Variants in SERGEF observed in about 807,000 individuals in gnomAD.
SERGEF encodes the protein secretion-regulating guanine nucleotide exchange factor.
In SERGEF, 51 loss-of-function variants were observed where a neutral mutation model predicts 50.0. The observed-to-expected ratio is 1.02, with a 90% CI of 0.81 to 1.29. The LOEUF (loss-of-function observed/expected upper bound fraction) is 1.29, where lower values mean the gene tolerates loss of function less well. Ranked by LOEUF, SERGEF falls within the 50% of genes most tolerant of loss-of-function variation. The probability of loss-of-function intolerance (pLI) is 0.00; values close to 1 mark genes in which losing one functional copy is unlikely to be tolerated. For missense variants in SERGEF, 521 were observed against 557.0 expected, an observed-to-expected ratio of 0.94 and a Z score of 0.65; for synonymous variants, 205 against 212.4, an observed-to-expected ratio of 0.97 and a Z score of 0.30.
intron 8 of SERGEF, among the ~76,000 whole-genome samples, chr11:17,986,143 G>T (rs772054962): frequency 6.6e-6 from 1 of 152,132 alleles, no homozygotes; most frequent in Non-Finnish European, 1.5e-5. Context: ...TTCCACTAAT[G>T]AGCTGCTCCT....
At chr11:17,866,591 G>A (rs1202090613) in intron 10 of SERGEF, among the ~76,000 whole-genome samples, 6 of 152,064 alleles carry the variant, frequency 3.9e-5, no homozygotes, top group Admixed American at 2.6e-4. Flanking sequence ...TACAACCTCC[G>A]CCTCCCTGGT....
At chr11:17,908,877 G>A (rs1224788002) in intron 9 of SERGEF, among the ~76,000 whole-genome samples, 2 of 152,168 alleles carry the variant, frequency 1.3e-5, no homozygotes, top group East Asian at 1.9e-4. Context: ...GAAATGGATA[G>A]GGTTCCGTCA....
In SERGEF at chr11:17,884,825, G is replaced by T. The variant is rs908397637; in HGVS notation, c.1012-6581C>A. Among the ~76,000 whole-genome samples the T allele has an allele frequency of 6.6e-6, 1 of 152,182 alleles. No homozygotes were observed. The highest frequency in any genetic ancestry group is 1.5e-5 in the Non-Finnish European group (1 of 68,040). On this transcript the variant is annotated intron_variant, in intron 9 of 10. Coordinates refer to ENST00000265965, the MANE Select transcript of SERGEF (RefSeq NM_012139.4). This position sits in a 1 kb window ranked among gnomAD's most constrained non-coding sequence, Gnocchi z 4.6. Reference sequence around the variant, plus strand: ...TCTGCTATCTTCCAGAGAAGTTGGGGTGAGAAGAAGAGAGCTAAAGTTTGG... The same window carrying T: ...TCTGCTATCTTCCAGAGAAGTTGGGTTGAGAAGAAGAGAGCTAAAGTTTGG...
chr11:17,847,244 G>A (rs1041754950), intron 10 of SERGEF, among the ~76,000 whole-genome samples: 2 of 152,232 alleles, frequency 1.3e-5, no homozygotes, highest in East Asian at 1.9e-4. Context: ...CTGCTTATGT[G>A]GTGCATTGCT....
chr11:17,959,549 T>A lies in SERGEF; in HGVS notation c.932A>T (p.Lys311Met). Residue 311 changes from lysine (K) to methionine (M), a missense_variant, in exon 9 of 11, where the codon AAG becomes ATG. Lys to Met is a moderately conservative substitution (Grantham distance 95). Coordinates refer to ENST00000265965, the MANE Select transcript of SERGEF (RefSeq NM_012139.4). ...TGAACAGGGGAGAAATGAATCTTGC[T>A]TTTCTAGTTTCCAGCCTTCATAAGT... The part of the protein sequence containing the change: ...LETYEGWKLE[K>M]QDSFLPCSRP... 6.2e-7 allele frequency: 1 copy of A among 1,614,132 alleles called. No individual in the cohort carries two copies. The highest frequency in any genetic ancestry group is 8.5e-7 in the Non-Finnish European group (1 of 1,179,968).
chr11:17,818,690 G>A (rs1157735153), intron 10 of SERGEF, among the ~76,000 whole-genome samples: 1 of 152,118 alleles, frequency 6.6e-6, no homozygotes, highest in African/African-American at 2.4e-5. Flanking sequence ...AGCTGCAAAG[G>A]CAATGATCTT....
chr11:17,961,472 A>G (rs1400931838), intron 8 of SERGEF, among the ~76,000 whole-genome samples: 1 of 152,226 alleles, frequency 6.6e-6, no homozygotes, highest in East Asian at 1.9e-4. Context: ...GGAAGTTGTT[A>G]TCTCTAAGAC....
chr11:18,006,321 A>G (rs211138), intron 3 of SERGEF, among the ~76,000 whole-genome samples: 128,235 of 152,110 alleles, frequency 0.84, 54,189 homozygotes, highest in East Asian at 0.92. Flanking sequence ...GACTATAGGC[A>G]TGGGGTACCA....
At chr11:17,824,203 A>G (rs1336860201) in intron 10 of SERGEF, among the ~76,000 whole-genome samples, 1 of 152,010 alleles carries the variant, frequency 6.6e-6, no homozygotes, top group Non-Finnish European at 1.5e-5. Context: ...CAGGAGGCTG[A>G]GGCAGGAGAA....
rs1565198150 is a variant in SERGEF, at chr11:17,896,876, GGGAA to G, written c.1012-18636_1012-18633del. ...GGTAAGGGAAGGGAAGGGAAGGGAA[GGGAA>G]GGGAAGGGAAGGGAAGGGAAGGGAA... is the stretch of plus-strand genomic sequence containing the variant. On this transcript the variant is annotated intron_variant, in intron 9 of 10. Coordinates refer to ENST00000265965, the MANE Select transcript of SERGEF (RefSeq NM_012139.4). Among the ~76,000 whole-genome samples the G allele has an allele frequency of 3.0e-4, 5 of 16,678 alleles. 1 individual carries two copies. Among genetic ancestry groups the G allele is most frequent in the Admixed American group, 4.4e-4 (1 of 2,264 alleles). 10.9% of individuals were successfully genotyped at this position (16,678 alleles called of 152,430 possible).
At chr11:17,938,190 G>A (rs1852492241) in intron 9 of SERGEF, among the ~76,000 whole-genome samples, 1 of 152,208 alleles carries the variant, frequency 6.6e-6, no homozygotes, top group South Asian at 2.1e-4. Flanking sequence ...TCACTTTGCA[G>A]CTGTGGTCCC....
At chr11:17,908,387 C>T (rs1172772828) in intron 9 of SERGEF, among the ~76,000 whole-genome samples, 1 of 152,154 alleles carries the variant, frequency 6.6e-6, no homozygotes, top group South Asian at 2.1e-4. Flanking sequence ...CCCCCAACCA[C>T]CACCATCATC....
intron 5 of SERGEF, among the ~76,000 whole-genome samples, chr11:17,997,888 G>T (rs1853871142): frequency 6.6e-6 from 1 of 152,098 alleles, no homozygotes; most frequent in South Asian, 2.1e-4. Context: ...ATGGGGAATG[G>T]GGAGTTATTG....
intron 9 of SERGEF, among the ~76,000 whole-genome samples, chr11:17,945,882 G>A (rs1362030562): frequency 4.6e-5 from 7 of 152,138 alleles, no homozygotes; most frequent in African/African-American, 1.4e-4. Context: ...CGAGGCTGAG[G>A]CAGGAGAATT....
intron 9 of SERGEF, among the ~76,000 whole-genome samples, chr11:17,934,342 CA>C (rs1265822467): frequency 6.6e-6 from 1 of 152,204 alleles, no homozygotes; most frequent in Non-Finnish European, 1.5e-5. Flanking sequence ...AACCACCCCT[CA>C]AACAATTCAG....
chr11:17,804,352 A>C (rs1849720936), intron 10 of SERGEF, among the ~76,000 whole-genome samples: 1 of 152,228 alleles, frequency 6.6e-6, no homozygotes, highest in African/African-American at 2.4e-5. Context: ...TGAAAGGCTC[A>C]GAGCCCTATC....
intron 1 of SERGEF, 156 bp downstream of exon 1, chr11:18,012,795 T>G: frequency 1.4e-5 from 8 of 590,632 alleles, no homozygotes; most frequent in Non-Finnish European, 2.2e-5. Flanking sequence ...CCGCTCCTCC[T>G]CCGCTCCCCC....
chr11:18,006,862 C>T, intron 2 of SERGEF, 116 bp from the exon 3 acceptor site: 1 of 1,202,124 alleles, frequency 8.3e-7, no homozygotes, highest in Non-Finnish European at 1.2e-6. Flanking sequence ...TTTTTGCCAT[C>T]CAAGTTAATA....
intron 8 of SERGEF, among the ~76,000 whole-genome samples, chr11:17,960,645 T>C (rs976803589): frequency 6.6e-6 from 1 of 152,252 alleles, no homozygotes; most frequent in Non-Finnish European, 1.5e-5. Context: ...CAAAGCTTCA[T>C]CTGGCCCCAC....
Sources: gnomAD v4.1 joint callset for allele counts (sites outside exome capture counted in the v4.1 genomes callset) on GRCh38, gnomAD v4.1.1 for gene constraint, Gnocchi (gnomAD v3.1) non-coding constraint, MANE v1.5 for transcripts, NCBI Gene and HGNC (gene_info 2026-07-23, HGNC 2026-07-21) for gene names.